The following MTFR1 variants were observed in gnomAD, a reference collection of about 807,000 sequenced individuals.
MTFR1 encodes the protein chondrocyte protein with a poly-proline region.
MTFR1 carries 28 observed loss-of-function variants against 38.8 expected under a neutral mutation model. The observed-to-expected ratio is 0.72, with a 90% CI of 0.53 to 0.99. The LOEUF is 0.99. Among genes scored for constraint, MTFR1 ranks in the 50% least tolerant of loss-of-function variants. MTFR1 has a pLI of 0.00. For synonymous variants in MTFR1, 145 were observed against 137.0 expected (o/e 1.06, Z -0.41); for missense variants, 358 against 395.5 (o/e 0.91, Z 0.81).
At chr8:65,723,697 A>G in intron 3 of MTFR1, 1 of 1,016,668 alleles carries the variant, frequency 9.8e-7, no homozygotes. Context: ...GCTTGAACAT[A>G]CCTGTGCATT....
chr8:65,719,078 A>G (rs773193942), intron 2 of MTFR1: 2 of 570,922 alleles, frequency 3.5e-6, no homozygotes, highest in Non-Finnish European at 6.3e-6. Context: ...GTTTCACATG[A>G]AAGCCAAATT....
At chr8:65,735,364 A>G (rs1478861444) in intron 3 of MTFR1, among the ~76,000 whole-genome samples, 1 of 152,188 alleles carries the variant, frequency 6.6e-6, no homozygotes, top group African/African-American at 2.4e-5. Flanking sequence ...GCTGGAGTGC[A>G]GTGACATGAT....
At chr8:65,726,428 C>T (rs1254306188) in intron 3 of MTFR1, among the ~76,000 whole-genome samples, 1 of 152,054 alleles carries the variant, frequency 6.6e-6, no homozygotes, top group Non-Finnish European at 1.5e-5. Context: ...GGACATAAGG[C>T]ACTCTCTTTA....
intron 5 of MTFR1, 42 bp downstream of exon 5, chr8:65,704,971 G>T (rs1217704945): frequency 6.9e-7 from 1 of 1,448,800 alleles, no homozygotes; most frequent in African/African-American, 1.4e-5. Flanking sequence ...TTGCAAACTA[G>T]AAGTTAGGAG....
At chr8:65,700,018 T>C (rs776679413) in intron 4 of MTFR1, among the ~76,000 whole-genome samples, 12 of 152,162 alleles carry the variant, frequency 7.9e-5, no homozygotes, top group Non-Finnish European at 1.6e-4. Context: ...TAGAAATGAT[T>C]TTTTTCAAAT....
At chr8:65,678,368 T>A (rs1195912328) in intron 2 of MTFR1, among the ~76,000 whole-genome samples, 4 of 152,256 alleles carry the variant, frequency 2.6e-5, no homozygotes, top group Non-Finnish European at 5.9e-5. Flanking sequence ...CCCTCACTTT[T>A]TCCTACCATC....
chr8:65,695,797 G>T (rs1805424803), intron 4 of MTFR1, among the ~76,000 whole-genome samples: 1 of 152,144 alleles, frequency 6.6e-6, no homozygotes, highest in Non-Finnish European at 1.5e-5. Context: ...AATGGATATT[G>T]GTAAGGAAGG....
downstream of MTFR1, among the ~76,000 whole-genome samples, chr8:65,710,864 C>CCAA (rs1677622611): frequency 6.6e-6 from 1 of 152,050 alleles, no homozygotes; most frequent in African/African-American, 2.4e-5. Context: ...GTTCTTTCAC[C>CCAA]CAACACAACA....
downstream of MTFR1, among the ~76,000 whole-genome samples, chr8:65,775,821 GTT>G (rs1312704473): frequency 6.6e-6 from 1 of 152,188 alleles, no homozygotes; most frequent in African/African-American, 2.4e-5. Context: ...TAGAGATGGA[GTT>G]TCACCATGTT....
chr8:65,707,394 C>T, intron 6 of MTFR1, 138 bp downstream of exon 6: 1 of 824,210 alleles, frequency 1.2e-6, no homozygotes, highest in Non-Finnish European at 1.9e-6. Flanking sequence ...GCCCCAGTGG[C>T]TTCTATACAC....
intron 3 of MTFR1, chr8:65,727,224 A>T (rs1247220051): frequency 6.2e-7 from 1 of 1,613,860 alleles, no homozygotes; most frequent in Admixed American, 1.7e-5. Flanking sequence ...GTTGATTAAC[A>T]CCTGGATGAT....
chr8:65,713,485 A>AC (rs1169373621), downstream of MTFR1, among the ~76,000 whole-genome samples: 68 of 119,514 alleles, frequency 5.7e-4, no homozygotes, highest in African/African-American at 1.7e-3. Context: ...CACACACACA[A>AC]ACAAAACAAA....
chr8:65,740,193 A>G (rs1038760196), intron 3 of MTFR1, among the ~76,000 whole-genome samples: 1 of 152,080 alleles, frequency 6.6e-6, no homozygotes, highest in Non-Finnish European at 1.5e-5. Flanking sequence ...GGGGAATCAC[A>G]AAACTAGGCA....
chr8:65,657,986 CTG>C (rs374525965), intron 1 of MTFR1, among the ~76,000 whole-genome samples: 253 of 152,264 alleles, frequency 1.7e-3, no homozygotes, highest in African/African-American at 6.0e-3. Flanking sequence ...GGACTGTCAT[CTG>C]TGTTGCCTTA....
chr8:65,655,969 C>CATATATATATATATATATATATA lies in MTFR1; in HGVS notation c.-81+11185_-81+11186insATATATATATATATATATATATA. On this transcript the variant is annotated intron_variant, in intron 1 of 7. Transcript: ENST00000262146. Reference sequence around the variant, plus strand: ...AAAAAAAAATATATATATATATATACCATATATATATATATGGTAGTGGGT... The same window carrying CATATATATATATATATATATATA: ...AAAAAAAAATATATATATATATATACATATATATATATATATATATATACATATATATATATATGGTAGTGGGT... Among the ~76,000 whole-genome samples the CATATATATATATATATATATATA allele has an allele frequency of 1.9e-4, 11 of 56,480 alleles. 1 individual carries two copies. The highest frequency in any genetic ancestry group is 1.0e-3 in the African/African-American group (10 of 9,824). 37.1% of individuals were successfully genotyped at this position (56,480 alleles called of 152,430 possible).
chr8:65,663,262 G>A (rs1465879497), intron 1 of MTFR1, among the ~76,000 whole-genome samples: 1 of 152,140 alleles, frequency 6.6e-6, no homozygotes, highest in African/African-American at 2.4e-5. Flanking sequence ...AACATATGCT[G>A]TGTCCACTCA....
At chr8:65,702,068 A>C in intron 4 of MTFR1, among the ~76,000 whole-genome samples, 1 of 152,286 alleles carries the variant, frequency 6.6e-6, no homozygotes, top group Middle Eastern at 3.4e-3. Context: ...TGAAATATAA[A>C]ACAACAGAAG....
downstream of MTFR1, among the ~76,000 whole-genome samples, chr8:65,774,803 T>C (rs921601428): frequency 2.0e-5 from 3 of 151,914 alleles, no homozygotes; most frequent in Non-Finnish European, 4.4e-5. Context: ...CAAAGAAAAA[T>C]TTAATGAGAA....
At chr8:65,666,270 G>A (rs774509288) in intron 1 of MTFR1, among the ~76,000 whole-genome samples, 2 of 149,830 alleles carry the variant, frequency 1.3e-5, no homozygotes, top group African/African-American at 2.4e-5. Context: ...AGCTGGGTGT[G>A]GTGGCGCATG....
Sources: gnomAD v4.1 joint callset for allele counts (sites outside exome capture counted in the v4.1 genomes callset) on GRCh38, gnomAD v4.1.1 for gene constraint, MANE v1.5 for transcripts, NCBI Gene and HGNC (gene_info 2026-07-23, HGNC 2026-07-21) for gene names.